PPM1L: variants seen among roughly 807,000 people sequenced by gnomAD.
The protein encoded by PPM1L is protein phosphatase 1L.
In PPM1L, 13 loss-of-function variants were observed where a neutral mutation model predicts 31.4. The observed-to-expected ratio is 0.41, with a 90% CI of 0.27 to 0.66. The LOEUF (loss-of-function observed/expected upper bound fraction) is 0.66. PPM1L is among the 30% of genes least tolerant of loss of function. The pLI, the probability that PPM1L is intolerant of heterozygous loss-of-function variation, is 0.29. For synonymous variants in PPM1L, 184 were observed against 175.4 expected (o/e 1.05, Z -0.39); for missense variants, 326 against 453.7 (o/e 0.72, Z 2.56).
At chr3:160,987,818 GCT>G (rs1427322802) in intron 2 of PPM1L, among the ~76,000 whole-genome samples, 1 of 152,228 alleles carries the variant, frequency 6.6e-6, no homozygotes, top group Non-Finnish European at 1.5e-5. Context: ...TGAACGATAT[GCT>G]CTGTGTTTTA....
At position 160,756,963 on chromosome 3, in the gene PPM1L, C is replaced by T. The variant is rs1337185469; in HGVS notation, c.399+256C>T. ...TTAGGGAAAGGAGAGTCATCCACAG[C>T]ATATTTGTTGCTACTTAATGTGAGG... On this transcript the variant is annotated intron_variant, in intron 1 of 3. Transcript: ENST00000498165. This position sits in a 1 kb window ranked among gnomAD's most constrained non-coding sequence, Gnocchi z 6.2. Among the ~76,000 whole-genome samples, 2 of 152,012 alleles carry T rather than the reference C, an allele frequency of 1.3e-5. No individual in the cohort carries two copies. The highest frequency in any genetic ancestry group is 2.9e-5 in the Non-Finnish European group (2 of 68,012).
intron 1 of PPM1L, among the ~76,000 whole-genome samples, chr3:160,798,937 G>T (rs1712343130): frequency 6.6e-6 from 1 of 152,206 alleles, no homozygotes; most frequent in South Asian, 2.1e-4. Context: ...ATTAACAGGA[G>T]TTTGGAAGAA....
In PPM1L at chr3:160,916,262, C is replaced by T. The variant is rs376086570; in HGVS notation, c.400-45474C>T. On this transcript the variant is annotated intron_variant, in intron 1 of 3. Transcript: ENST00000498165. ...AAAGTGGGCGAAGGATATGAACAGA[C>T]ACTTCTCAAAAGAAGACATTTATGC... 2.9e-4 allele frequency among the ~76,000 whole-genome samples: 44 copies of T among 152,220 alleles called. No individual in the cohort carries two copies. The South Asian group carries it at 8.5e-3, about 29-fold the overall frequency.
chr3:160,936,995 G>A (rs1369731777), intron 1 of PPM1L, among the ~76,000 whole-genome samples: 3 of 152,142 alleles, frequency 2.0e-5, no homozygotes, highest in Non-Finnish European at 4.4e-5. Flanking sequence ...GAATACATCT[G>A]TGGTTCTTAG....
intron 1 of PPM1L, among the ~76,000 whole-genome samples, chr3:160,935,654 A>C (rs954514893): frequency 4.6e-5 from 7 of 152,228 alleles, no homozygotes; most frequent in Non-Finnish European, 8.8e-5. Flanking sequence ...GCTACCTGAA[A>C]GGAGAAGCTT....
Position 161,078,247 on chromosome 3 carries a change from T to C in PPM1L, c.*9090T>C, listed in dbSNP as rs1300748223. ...GGGAAGGAAAAAAAGTAGTGTTTTTTTGGGGAACAGTATAATGTCTCAGAA... is the reference window on the plus strand; with the variant it reads ...GGGAAGGAAAAAAAGTAGTGTTTTTCTGGGGAACAGTATAATGTCTCAGAA... On this transcript the variant is annotated 3_prime_UTR_variant, in exon 4 of 4. Transcript: ENST00000498165. The C allele has an allele frequency of 2.6e-5, 4 of 152,152 alleles. No homozygotes were observed. The highest frequency in any genetic ancestry group is 4.4e-5 in the Non-Finnish European group (3 of 68,030). The allele number at this position is 152,152 out of a possible 1,614,324, so 9.4% of individuals were successfully genotyped here. A position where few individuals can be genotyped will look rare whatever the true frequency, so the allele number is the denominator to read the frequency against.
intron 2 of PPM1L, among the ~76,000 whole-genome samples, chr3:161,034,308 G>A (rs1718671063): frequency 6.6e-6 from 1 of 152,158 alleles, no homozygotes; most frequent in African/African-American, 2.4e-5. Flanking sequence ...TCTAGAACCA[G>A]AATTACCATT....
At chr3:160,764,213 C>T (rs1715043704) in intron 1 of PPM1L, among the ~76,000 whole-genome samples, 1 of 152,078 alleles carries the variant, frequency 6.6e-6, no homozygotes, top group Non-Finnish European at 1.5e-5. Flanking sequence ...CTTACTACAG[C>T]CACAAACTCC....
chr3:160,904,450 T>C lies in PPM1L; in HGVS notation c.400-57286T>C, dbSNP rs117921409. On this transcript the variant is annotated intron_variant, in intron 1 of 3. Coordinates refer to ENST00000498165, the MANE Select transcript of PPM1L (RefSeq NM_139245.4). ...TAACTATTTTTGGACAGAGGGATTATGGTTGGTTTTGATTGATTGCTGTAT... is the reference window on the plus strand; with the variant it reads ...TAACTATTTTTGGACAGAGGGATTACGGTTGGTTTTGATTGATTGCTGTAT... 2.2e-4 allele frequency among the ~76,000 whole-genome samples: 34 copies of C among 152,260 alleles called. 1 individual carries two copies. The South Asian group carries it at 5.8e-3, about 26-fold the overall frequency.
intron 2 of PPM1L, among the ~76,000 whole-genome samples, chr3:161,020,717 A>G (rs1718215581): frequency 6.6e-6 from 1 of 152,050 alleles, no homozygotes; most frequent in African/African-American, 2.4e-5. Flanking sequence ...TACTAATTCA[A>G]TCTCTATACT....
At chr3:160,850,914 T>C (rs962062245) in intron 1 of PPM1L, among the ~76,000 whole-genome samples, 12 of 151,812 alleles carry the variant, frequency 7.9e-5, no homozygotes, top group African/African-American at 2.7e-4. Flanking sequence ...TTTTTCTCTC[T>C]TACAGTTTTT....
chr3:160,786,157 CTGTGTGTGTG>C (rs1239014226), intron 1 of PPM1L, among the ~76,000 whole-genome samples: 74 of 69,190 alleles, frequency 1.1e-3, no homozygotes, highest in Non-Finnish European at 1.1e-3. Flanking sequence ...CTCTCTCTCT[CTGTGTGTGTG>C]TGTGTGTGTG....
intron 1 of PPM1L, among the ~76,000 whole-genome samples, chr3:160,920,811 C>A (rs1714379232): frequency 6.6e-6 from 1 of 152,108 alleles, no homozygotes; most frequent in African/African-American, 2.4e-5. Flanking sequence ...TAGAAACTGA[C>A]TATAACATGA....
intron 2 of PPM1L, among the ~76,000 whole-genome samples, chr3:161,050,012 C>T (rs1054795160): frequency 9.2e-5 from 14 of 152,302 alleles, no homozygotes; most frequent in Admixed American, 7.9e-4. Flanking sequence ...TCCCTTGTCC[C>T]TTCCTGGGCA....
chr3:160,842,433 A>G (rs1713913041), intron 1 of PPM1L: 1 of 639,376 alleles, frequency 1.6e-6, no homozygotes, highest in African/African-American at 1.8e-5. Flanking sequence ...TTTATTCTGT[A>G]GAAAATGGAT....
At chr3:160,975,274 A>T (rs1386453651) in intron 2 of PPM1L, among the ~76,000 whole-genome samples, 1 of 152,042 alleles carries the variant, frequency 6.6e-6, no homozygotes, top group Non-Finnish European at 1.5e-5. Context: ...TGGTTACTGT[A>T]GCCTTGTAGT....
chr3:161,054,189 C>T (rs1719352258), intron 2 of PPM1L, among the ~76,000 whole-genome samples: 1 of 152,036 alleles, frequency 6.6e-6, no homozygotes, highest in Non-Finnish European at 1.5e-5. Flanking sequence ...TATCCTAGTA[C>T]CTCAGGTCTT....
chr3:160,912,012 T>G (rs759279947), intron 1 of PPM1L, among the ~76,000 whole-genome samples: 2 of 152,220 alleles, frequency 1.3e-5, no homozygotes, highest in Non-Finnish European at 2.9e-5. Context: ...TTAATCTGTG[T>G]TACATCAGAA....
chr3:160,813,371 ACT>A (rs1712869504), intron 1 of PPM1L, among the ~76,000 whole-genome samples: 2 of 152,084 alleles, frequency 1.3e-5, no homozygotes, highest in Non-Finnish European at 2.9e-5. Context: ...ACAGAGCCTC[ACT>A]CTGTCATCCA....
Sources: gnomAD v4.1 joint callset for allele counts (sites outside exome capture counted in the v4.1 genomes callset) on GRCh38, gnomAD v4.1.1 for gene constraint, Gnocchi (gnomAD v3.1) non-coding constraint, MANE v1.5 for transcripts, NCBI Gene and HGNC (gene_info 2026-07-23, HGNC 2026-07-21) for gene names.